NAV1: variants seen among roughly 807,000 people sequenced by gnomAD.
NAV1 encodes pore membrane and/or filament interacting like protein 3.
A neutral mutation model predicts 175.2 loss-of-function variants in NAV1; 18 were observed. The observed-to-expected ratio is 0.10, with a 90% CI of 0.07 to 0.15. The LOEUF (loss-of-function observed/expected upper bound fraction) is 0.15, where lower values mean the gene tolerates loss of function less well. Among genes scored for constraint, NAV1 ranks in the 10% least tolerant of loss-of-function variants. The pLI is 1.00. For missense variants in NAV1, 1,731 were observed against 2,436.6 expected, an observed-to-expected ratio of 0.71 and a Z score of 6.10; for synonymous variants, 897 against 978.7, an observed-to-expected ratio of 0.92 and a Z score of 1.56.
At chr1:201,721,477 C>G (rs1042760069) in intron 3 of NAV1, among the ~76,000 whole-genome samples, 1 of 152,232 alleles carries the variant, frequency 6.6e-6, no homozygotes, top group Admixed American at 6.5e-5. Flanking sequence ...TGGATTCCAG[C>G]GACTCTTTAA....
intron 2 of NAV1, among the ~76,000 whole-genome samples, chr1:201,589,415 T>A (rs12087396): frequency 1.3e-5 from 2 of 150,284 alleles, no homozygotes; most frequent in African/African-American, 4.9e-5. Flanking sequence ...TGTAGGGAAA[T>A]GTTAAATTAA....
chr1:201,785,896 G>A (rs563251432), intron 8 of NAV1, among the ~76,000 whole-genome samples: 30 of 143,258 alleles, frequency 2.1e-4, no homozygotes, highest in African/African-American at 6.6e-4. Context: ...AGATTCAAGC[G>A]ATTCTCCTGC....
chr1:201,546,300 G>A (rs577739224), intron 1 of NAV1, among the ~76,000 whole-genome samples: 81 of 152,280 alleles, frequency 5.3e-4, no homozygotes, highest in Non-Finnish European at 9.9e-4. Flanking sequence ...GGTATAGTTC[G>A]CTTTACCAAG....
intron 1 of NAV1, among the ~76,000 whole-genome samples, chr1:201,584,347 T>C (rs1225098175): frequency 2.0e-5 from 3 of 152,230 alleles, no homozygotes; most frequent in Non-Finnish European, 4.4e-5. Context: ...TAACCTACTC[T>C]ATATGCAGCT....
At chr1:201,565,772 A>G (rs1422088768) in intron 1 of NAV1, among the ~76,000 whole-genome samples, 1 of 152,132 alleles carries the variant, frequency 6.6e-6, no homozygotes, top group Non-Finnish European at 1.5e-5. Flanking sequence ...TGAGGCCCAC[A>G]CAGTTGAAGG....
intron 13 of NAV1, 68 bp from the exon 18 acceptor site, chr1:201,793,724 C>G (rs781186447): frequency 1.6e-5 from 22 of 1,361,722 alleles, no homozygotes; most frequent in Non-Finnish European, 2.2e-5. Flanking sequence ...AAACTATTTC[C>G]CATTGTCAGT....
chr1:201,718,668 C>T lies in NAV1; in HGVS notation c.1139C>T (p.Ser380Leu), dbSNP rs371677354. 5 of 1,614,034 alleles carry T rather than the reference C, an allele frequency of 3.1e-6. No homozygotes were observed. Among genetic ancestry groups the T allele is most frequent in the East Asian group, 2.2e-5 (1 of 44,892 alleles). ...CTGGAGCTGGTCGAATCCCTGGACT[C>T]GGATGAGGTGGACCTCAAGTCCGGC... Residue 380 changes from serine (S) to leucine (L), a missense_variant, in exon 3 of 30, where the codon TCG becomes TTG. This residue lies in a region of NAV1 where 487 missense variants were observed against 581.3 expected (regional missense o/e 0.84). Coordinates refer to ENST00000367296, the Ensembl canonical transcript of NAV1. This position sits in a 1 kb window ranked among gnomAD's most constrained non-coding sequence, Gnocchi z 4.8.
chr1:201,693,361 C>T (rs10920233), intron 1 of NAV1, among the ~76,000 whole-genome samples: 2,987 of 152,258 alleles, frequency 0.02, 96 homozygotes, highest in African/African-American at 0.068. Flanking sequence ...TGAAAGGCAG[C>T]CTGCATTCTC....
chr1:201,682,296 A>C (rs1294973414), intron 1 of NAV1, among the ~76,000 whole-genome samples: 2 of 151,990 alleles, frequency 1.3e-5, no homozygotes, highest in Non-Finnish European at 2.9e-5. Flanking sequence ...AAAAAAAAAA[A>C]GAAAGAGAAA....
At chr1:201,671,421 A>G (rs979934398) in intron 1 of NAV1, among the ~76,000 whole-genome samples, 2 of 152,136 alleles carry the variant, frequency 1.3e-5, no homozygotes, top group African/African-American at 4.8e-5. Context: ...CTGAGCAGGT[A>G]TGAGACAGGT....
intron 2 of NAV1, among the ~76,000 whole-genome samples, chr1:201,717,967 C>T (rs1226404912): frequency 6.6e-6 from 1 of 152,206 alleles, no homozygotes; most frequent in Non-Finnish European, 1.5e-5. Context: ...ATATACCAGG[C>T]ACTGTGTTCT....
intron 2 of NAV1, among the ~76,000 whole-genome samples, chr1:201,639,481 A>G (rs1668691421): frequency 6.6e-6 from 1 of 152,118 alleles, no homozygotes; most frequent in African/African-American, 2.4e-5. Context: ...CTGCTGAGAA[A>G]CCAGTCACGA....
At position 201,808,166 on chromosome 1, in the gene NAV1, T is replaced by A; in HGVS notation, c.3845+17T>A. 1.2e-6 allele frequency: 2 copies of A among 1,613,336 alleles called. No homozygotes were observed. Among genetic ancestry groups the A allele is most frequent in the Middle Eastern group, 3.3e-4 (2 of 6,010 alleles). Reference sequence around the variant, plus strand: ...TGTCACCGAGTAAGTGCTCTTTGGCTCCCTGCCACCCAGCCTGTTACCAGT... The same window carrying A: ...TGTCACCGAGTAAGTGCTCTTTGGCACCCTGCCACCCAGCCTGTTACCAGT... On this transcript the variant is annotated intron_variant, in intron 18 of 29. Coordinates refer to ENST00000367296, the Ensembl canonical transcript of NAV1. The surrounding 1 kb of genome is among the most constrained non-coding windows in gnomAD (Gnocchi z 5.5).
At chr1:201,620,861 A>G (rs1558022390), upstream of NAV1, among the ~76,000 whole-genome samples, 1 of 152,090 alleles carries the variant, frequency 6.6e-6, no homozygotes. Flanking sequence ...TTTAATTTGC[A>G]TCTCTTCAAT....
chr1:201,786,649 G>A, intron 9 of NAV1, 72 bp downstream of exon 13: 1 of 1,484,922 alleles, frequency 6.7e-7, no homozygotes, highest in South Asian at 1.3e-5. Context: ...GGCAAGGCAG[G>A]TGGGCTTTGG....
chr1:201,614,825 A>T (rs938962915), intron 2 of NAV1, among the ~76,000 whole-genome samples: 31 of 152,216 alleles, frequency 2.0e-4, no homozygotes, highest in African/African-American at 5.1e-4. Context: ...ATCGTGAGAA[A>T]GTTCCTTAGC....
upstream of NAV1, among the ~76,000 whole-genome samples, chr1:201,643,693 A>T (rs956409365): frequency 2.6e-5 from 4 of 152,104 alleles, no homozygotes; most frequent in Non-Finnish European, 5.9e-5. Context: ...GATTACAGGC[A>T]TGAGCCACCA....
At chr1:201,626,047 T>C (rs1484403601) in intron 1 of NAV1, among the ~76,000 whole-genome samples, 2 of 152,072 alleles carry the variant, frequency 1.3e-5, no homozygotes, top group Non-Finnish European at 2.9e-5. Flanking sequence ...CCATGGTGGT[T>C]AGAAGTTAGT....
chr1:201,625,537 T>C (rs2068824), intron 1 of NAV1, among the ~76,000 whole-genome samples: 10,515 of 152,274 alleles, frequency 0.069, 483 homozygotes, highest in East Asian at 0.27. Flanking sequence ...CAAAGTGCAC[T>C]GATGCTTCTT....
Sources: allele counts gnomAD v4.1 joint callset (sites outside exome capture counted in the v4.1 genomes callset), GRCh38; gene constraint gnomAD v4.1.1; regional missense constraint gnomAD v4.1.1; non-coding constraint Gnocchi (gnomAD v3.1); transcripts MANE v1.5; gene names NCBI Gene and HGNC (gene_info 2026-07-23, HGNC 2026-07-21).